The following NRP1 variants were observed in gnomAD, a reference collection of about 807,000 sequenced individuals.
NRP1 encodes neuropilin 1.
Under a neutral mutation model 106.7 loss-of-function variants are expected in NRP1, and 35 were observed. The observed-to-expected ratio is 0.33, with a 90% CI of 0.25 to 0.43. The LOEUF is 0.43. NRP1 is among the 20% of genes least tolerant of loss of function. NRP1 has a pLI of 1.00. For synonymous variants in NRP1, 437 were observed against 417.9 expected, an observed-to-expected ratio of 1.05 and a Z score of -0.56; for missense variants, 1,024 against 1,170.4, an observed-to-expected ratio of 0.87 and a Z score of 1.83.
At chr10:33,190,564 G>C (rs1023557056) in intron 13 of NRP1, among the ~76,000 whole-genome samples, 2 of 152,168 alleles carry the variant, frequency 1.3e-5, no homozygotes, top group Non-Finnish European at 2.9e-5. Flanking sequence ...CACAAAATGG[G>C]AAAGGCATGA....
intron 2 of NRP1, among the ~76,000 whole-genome samples, chr10:33,300,463 G>A (rs546446163): frequency 3.9e-5 from 6 of 152,286 alleles, no homozygotes; most frequent in African/African-American, 9.6e-5. Context: ...CCTCCCGCCC[G>A]GCCTGGACAG....
chr10:33,334,257 G>T, intron 1 of NRP1, 53 bp downstream of exon 1: 1 of 1,499,094 alleles, frequency 6.7e-7, no homozygotes, highest in Non-Finnish European at 9.0e-7. Flanking sequence ...GTCCGGGGCG[G>T]GCAGCTGGGA....
intron 2 of NRP1, among the ~76,000 whole-genome samples, chr10:33,309,166 C>T (rs564862610): frequency 2.0e-5 from 3 of 152,220 alleles, no homozygotes; most frequent in East Asian, 3.9e-4. Context: ...TTCCTCTTGC[C>T]CACACTGAAC....
intron 2 of NRP1, among the ~76,000 whole-genome samples, chr10:33,325,596 T>C (rs1187088089): frequency 3.3e-5 from 5 of 152,200 alleles, no homozygotes; most frequent in African/African-American, 7.2e-5. Context: ...TTCCATAAGT[T>C]TATATTCTCT....
chr10:33,295,177 G>T (rs1409538338), intron 2 of NRP1, among the ~76,000 whole-genome samples: 1 of 152,184 alleles, frequency 6.6e-6, no homozygotes, highest in Non-Finnish European at 1.5e-5. Context: ...GCCAAGTGCG[G>T]TGATAGGAAA....
intron 6 of NRP1, among the ~76,000 whole-genome samples, chr10:33,239,509 A>G (rs1280484552): frequency 6.6e-6 from 1 of 152,234 alleles, no homozygotes; most frequent in Non-Finnish European, 1.5e-5. Context: ...TAAGCTAGGA[A>G]TGTGACTACT....
chr10:33,232,727 C>T (rs988248764), intron 6 of NRP1, among the ~76,000 whole-genome samples: 2 of 147,552 alleles, frequency 1.4e-5, no homozygotes, highest in Admixed American at 6.8e-5. Flanking sequence ...ACTGCAACCT[C>T]CACCTCCCAG....
chr10:33,189,361 C>T (rs1325053421), intron 13 of NRP1, among the ~76,000 whole-genome samples: 2 of 152,214 alleles, frequency 1.3e-5, no homozygotes, highest in Non-Finnish European at 2.9e-5. Flanking sequence ...ATAAGCCTAG[C>T]TCAGCCGGTG....
At chr10:33,231,221 T>C (rs1588788845) in intron 6 of NRP1, among the ~76,000 whole-genome samples, 1 of 152,292 alleles carries the variant, frequency 6.6e-6, no homozygotes, top group Middle Eastern at 3.4e-3. Context: ...CATCATTCTG[T>C]TTTTGCTGTA....
chr10:33,202,721 T>C, intron 11 of NRP1, 170 bp downstream of exon 11: 1 of 1,553,852 alleles, frequency 6.4e-7, no homozygotes, highest in Non-Finnish European at 8.7e-7. Flanking sequence ...ACAACTCATC[T>C]ATCCAGATGA....
intron 2 of NRP1, among the ~76,000 whole-genome samples, chr10:33,292,422 G>A (rs548793328): frequency 2.6e-5 from 4 of 152,208 alleles, no homozygotes; most frequent in Admixed American, 6.5e-5. Context: ...CATAAACAAA[G>A]TGGTTTTTAA....
At chr10:33,275,382 C>T (rs1450616278) in intron 2 of NRP1, among the ~76,000 whole-genome samples, 2 of 152,078 alleles carry the variant, frequency 1.3e-5, no homozygotes, top group African/African-American at 4.8e-5. Flanking sequence ...TCCTGGCTAA[C>T]ATGGTAAAAC....
chr10:33,315,045 C>T (rs756093009), intron 2 of NRP1, among the ~76,000 whole-genome samples: 5 of 152,200 alleles, frequency 3.3e-5, no homozygotes, highest in Non-Finnish European at 5.9e-5. Context: ...AGAATTGTGA[C>T]ACAAAGTCCC....
intron 15 of NRP1, among the ~76,000 whole-genome samples, chr10:33,184,954 GACTAATT>G (rs1337169441): frequency 6.6e-6 from 1 of 152,056 alleles, no homozygotes. Flanking sequence ...TGGAGCTGAA[GACTAATT>G]ACTGTGCTAT....
chr10:33,209,840 C>T (rs1313955571), intron 9 of NRP1, among the ~76,000 whole-genome samples: 2 of 152,222 alleles, frequency 1.3e-5, no homozygotes, highest in South Asian at 2.1e-4. Context: ...CAAGGCCACA[C>T]ATTTAGTTTC....
At chr10:33,327,445 T>C (rs1037072476) in intron 2 of NRP1, among the ~76,000 whole-genome samples, 13 of 152,174 alleles carry the variant, frequency 8.5e-5, no homozygotes, top group Admixed American at 7.2e-4. Flanking sequence ...ATAAGATGAA[T>C]AGTTTGTTCT....
intron 3 of NRP1, among the ~76,000 whole-genome samples, chr10:33,268,107 G>A (rs1332158314): frequency 1.3e-5 from 2 of 152,086 alleles, no homozygotes; most frequent in African/African-American, 2.4e-5. Flanking sequence ...ATCATTAAAG[G>A]GCTTTTGAGG....
intron 10 of NRP1, among the ~76,000 whole-genome samples, chr10:33,203,671 C>G (rs1029072412): frequency 1.2e-4 from 18 of 151,128 alleles, no homozygotes; most frequent in Admixed American, 6.6e-5. Context: ...ACAGGTATTC[C>G]CATATCTTTG....
At chr10:33,319,679 C>T (rs546368854) in intron 2 of NRP1, among the ~76,000 whole-genome samples, 59 of 150,446 alleles carry the variant, frequency 3.9e-4, no homozygotes, top group African/African-American at 1.2e-3. Flanking sequence ...CTCTGCCTCG[C>T]GGGTTCATGC....
Sources: allele counts gnomAD v4.1 joint callset (sites outside exome capture counted in the v4.1 genomes callset), GRCh38; gene constraint gnomAD v4.1.1; transcripts MANE v1.5; gene names NCBI Gene and HGNC (gene_info 2026-07-23, HGNC 2026-07-21).